Variants in KCNK17 observed in about 807,000 individuals in gnomAD.
KCNK17 encodes potassium two pore domain channel subfamily K member 17, also known as potassium channel subfamily K member 17.
In KCNK17, 27 loss-of-function variants were observed where a neutral mutation model predicts 24.6. The ratio of observed to expected loss-of-function variants is 1.10; its 90% CI spans 0.81 to 1.51. KCNK17 has a LOEUF of 1.51. KCNK17 is among the 40% of genes most tolerant of loss of function. The pLI is 0.00. For synonymous variants in KCNK17, 181 were observed against 189.8 expected, an observed-to-expected ratio of 0.95 and a Z score of 0.38; for missense variants, 450 against 436.6, an observed-to-expected ratio of 1.03 and a Z score of -0.27.
At chr6:39,311,912 T>C (rs1339206722) in intron 1 of KCNK17, among the ~76,000 whole-genome samples, 1 of 152,170 alleles carries the variant, frequency 6.6e-6, no homozygotes, top group Admixed American at 6.5e-5. Context: ...GGCTTTGCCA[T>C]GCCAGGGATG....
chr6:39,301,885 G>A (rs972436954), intron 4 of KCNK17, among the ~76,000 whole-genome samples: 4 of 152,240 alleles, frequency 2.6e-5, no homozygotes, highest in Non-Finnish European at 4.4e-5. Flanking sequence ...CAAGAAAGGG[G>A]TTGTCCCTGT....
intron 1 of KCNK17, among the ~76,000 whole-genome samples, chr6:39,312,181 T>C (rs1762151637): frequency 6.6e-6 from 1 of 152,092 alleles, no homozygotes; most frequent in African/African-American, 2.4e-5. Flanking sequence ...TGAGGGTGTG[T>C]GGACATGGGG....
intron 4 of KCNK17, among the ~76,000 whole-genome samples, chr6:39,300,094 CTG>C (rs957478081): frequency 3.4e-4 from 52 of 152,342 alleles, no homozygotes; most frequent in Admixed American, 1.2e-3. Flanking sequence ...ATCAGAAACT[CTG>C]GGCATAGGCC....
chr6:39,301,285 C>G (rs149986289), intron 4 of KCNK17, among the ~76,000 whole-genome samples: 102 of 152,354 alleles, frequency 6.7e-4, no homozygotes, highest in African/African-American at 2.4e-3. Flanking sequence ...CTCTCCCCTC[C>G]TATTCCTTCG....
chr6:39,299,594 G>A lies in KCNK17; in HGVS notation c.832C>T (p.His278Tyr). 1 of 1,614,154 alleles carries A rather than the reference G, an allele frequency of 6.2e-7. No individual in the cohort carries two copies. Among genetic ancestry groups the A allele is most frequent in the Non-Finnish European group, 8.5e-7 (1 of 1,180,022 alleles). ...ETPGRVCSCC[H>Y]HSSKEDFKSQ... The stretch of plus-strand genomic sequence containing the variant: ...TTGAAGTCTTCCTTAGAGCTGTGGT[G>A]GCAGCAGGAACATACCCTCCCTGGC... Residue 278 changes from histidine (H) to tyrosine (Y), a missense_variant, in exon 5 of 5, where the codon CAC becomes TAC. Physicochemically the swap from His to Tyr is moderately conservative, Grantham distance 83. Transcript: ENST00000373231.
At position 39,299,392 on chromosome 6, in the gene KCNK17, G is replaced by T. The variant is rs777639660; in HGVS notation, c.*35C>A. 1 of 1,531,076 alleles carries T rather than the reference G, an allele frequency of 6.5e-7. No individual in the cohort carries two copies. The highest frequency in any genetic ancestry group is 1.8e-5 in the Admixed American group (1 of 56,748). The allele number at this position is 1,531,076 out of a possible 1,614,324, so 94.8% of individuals were successfully genotyped here. A position where few individuals can be genotyped will look rare whatever the true frequency, so the allele number is the denominator to read the frequency against. On this transcript the variant is annotated 3_prime_UTR_variant, in exon 5 of 5. Transcript: ENST00000373231. The stretch of plus-strand genomic sequence containing the variant: ...TGCAAAGCTTAAAATCAGGGGTCTT[G>T]CTACCGAGGACGACGACCAAAGAAT...
At chr6:39,309,229 T>C (rs11965205) in intron 2 of KCNK17, among the ~76,000 whole-genome samples, 167 of 152,228 alleles carry the variant, frequency 1.1e-3, no homozygotes, top group Middle Eastern at 6.8e-3. Context: ...GAGGCTGAGG[T>C]AGGAGAATCG....
chr6:39,299,881 G>A, intron 4 of KCNK17, 144 bp from the exon 5 acceptor site: 1 of 825,778 alleles, frequency 1.2e-6, no homozygotes, highest in Non-Finnish European at 1.9e-6. Context: ...TAGCCTCATG[G>A]TCACCTCCGA....
At chr6:39,313,367 T>G (rs1583775231) in intron 1 of KCNK17, among the ~76,000 whole-genome samples, 2 of 152,270 alleles carry the variant, frequency 1.3e-5, no homozygotes, top group East Asian at 3.9e-4. Flanking sequence ...GTCCGAAGAC[T>G]CGGAGTAAAG....
In KCNK17 at chr6:39,299,628, C is replaced by T; in HGVS notation, c.798G>A (p.Gln266=). The T allele has an allele frequency of 1.9e-6, 3 of 1,614,086 alleles. No homozygotes were observed. The highest frequency in any genetic ancestry group is 1.7e-6 in the Non-Finnish European group (2 of 1,180,014). ...LALIIKLILS[Q]LETPGRVCSC... ...AACATACCCTCCCTGGCGTCTCCAGCTGGGAGAGGATGAGTTTGATGATCA... is the reference window on the plus strand; with the variant it reads ...AACATACCCTCCCTGGCGTCTCCAGTTGGGAGAGGATGAGTTTGATGATCA... Residue 266 remains glutamine (Q), a synonymous_variant, in exon 5 of 5, where the codon CAG becomes CAA. Coordinates refer to ENST00000373231, the MANE Select transcript of KCNK17 (RefSeq NM_031460.4).
chr6:39,314,109 C>A lies in KCNK17; in HGVS notation c.212G>T (p.Arg71Leu). 2 of 1,589,904 alleles carry A rather than the reference C, an allele frequency of 1.3e-6. No homozygotes were observed. Among genetic ancestry groups the A allele is most frequent in the South Asian group, 1.1e-5 (1 of 88,718 alleles). The change falls in exon 1 of 5, where the codon CGC (arginine) becomes CTC (leucine). Residue 71 changes from arginine (R) to leucine (L), a missense_variant. Arg to Leu is a moderately radical substitution (Grantham distance 102). Coordinates refer to ENST00000373231, the MANE Select transcript of KCNK17 (RefSeq NM_031460.4). Reference sequence around the variant, plus strand: ...CCGGATCAGCGAGTCCAGCGCCGGGCGGTCCAGACACGTGAAGTTCTGCAA... The same window carrying A: ...CCGGATCAGCGAGTCCAGCGCCGGGAGGTCCAGACACGTGAAGTTCTGCAA... ...ELLQNFTCLD[R>L]PALDSLIRDV...
At chr6:39,308,166 T>G (rs1467142378) in intron 2 of KCNK17, among the ~76,000 whole-genome samples, 1 of 152,250 alleles carries the variant, frequency 6.6e-6, no homozygotes, top group Non-Finnish European at 1.5e-5. Context: ...CACACTAGAA[T>G]GTCAGCTCCC....
At chr6:39,311,054 T>A in intron 1 of KCNK17, 47 bp from the exon 2 acceptor site, 8 of 1,091,832 alleles carry the variant, frequency 7.3e-6, no homozygotes, top group East Asian at 2.4e-5. Context: ...GGGTGATGGA[T>A]TTCCTGTACC....
At chr6:39,312,861 G>A (rs1298827425) in intron 1 of KCNK17, among the ~76,000 whole-genome samples, 1 of 152,186 alleles carries the variant, frequency 6.6e-6, no homozygotes, top group Non-Finnish European at 1.5e-5. Context: ...GTGGGGAGCT[G>A]GAGGAATCAC....
At chr6:39,305,902 C>T (rs571029234) in intron 2 of KCNK17, among the ~76,000 whole-genome samples, 1 of 152,286 alleles carries the variant, frequency 6.6e-6, no homozygotes, top group Admixed American at 6.5e-5. Flanking sequence ...TTCCAGTCCT[C>T]GACTCTCCAG....
Position 39,309,431 on chromosome 6 carries a change from C to A in KCNK17, c.352+1462G>T, listed in dbSNP as rs564189901. 2.6e-5 allele frequency among the ~76,000 whole-genome samples: 4 copies of A among 152,320 alleles called. No individual in the cohort carries two copies. The South Asian group carries it at 8.3e-4, about 32-fold the overall frequency. ...CAGCACAGTGCCTAGTACAAGAAGA[C>A]CTCGGGTGTTTCCTCAGGTGTACTG... On this transcript the variant is annotated intron_variant, in intron 2 of 4. Coordinates refer to ENST00000373231, the MANE Select transcript of KCNK17 (RefSeq NM_031460.4).
In KCNK17 at chr6:39,299,454, G is replaced by C. The variant is rs754094668; in HGVS notation, c.972C>G (p.His324Gln). 6.2e-7 allele frequency: 1 copy of C among 1,613,720 alleles called. No individual in the cohort carries two copies. Among genetic ancestry groups the C allele is most frequent in the Non-Finnish European group, 8.5e-7 (1 of 1,179,634 alleles). The part of the protein sequence containing the change: ...GIIQHLEPSA[H>Q]AAGCGKDS Reference sequence around the variant, plus strand: ...AGCTGTCCTTGCCACAGCCTGCAGCGTGAGCAGAAGGTTCCAGATGCTGTA... The same window carrying C: ...AGCTGTCCTTGCCACAGCCTGCAGCCTGAGCAGAAGGTTCCAGATGCTGTA... Residue 324 changes from histidine (H) to glutamine (Q), a missense_variant, in exon 5 of 5, where the codon CAC becomes CAG. Physicochemically the swap from His to Gln is conservative, Grantham distance 24. Transcript: ENST00000373231.
chr6:39,309,227 G>A (rs1270591088), intron 2 of KCNK17, among the ~76,000 whole-genome samples: 3 of 152,244 alleles, frequency 2.0e-5, no homozygotes, highest in African/African-American at 7.2e-5. Flanking sequence ...GGGAGGCTGA[G>A]GTAGGAGAAT....
chr6:39,304,413 T>C, intron 3 of KCNK17, 82 bp downstream of exon 3: 1 of 1,281,372 alleles, frequency 7.8e-7, no homozygotes, highest in African/African-American at 1.5e-5. Context: ...CTCCCACCTC[T>C]TGTCATTAGT....
Sources: gnomAD v4.1 joint callset for allele counts (sites outside exome capture counted in the v4.1 genomes callset) on GRCh38, gnomAD v4.1.1 for gene constraint, MANE v1.5 for transcripts, NCBI Gene and HGNC (gene_info 2026-07-23, HGNC 2026-07-21) for gene names.